Variants in OTUD3 observed in about 807,000 individuals in gnomAD.
OTUD3 encodes the protein OTU deubiquitinase 3.
A neutral mutation model predicts 46.2 loss-of-function variants in OTUD3; 24 were observed. That is an observed-to-expected ratio of 0.52 (90% confidence interval 0.38 to 0.73). The LOEUF (loss-of-function observed/expected upper bound fraction) is 0.73. OTUD3 is among the 30% of genes least tolerant of loss of function. The pLI, the probability that OTUD3 is intolerant of heterozygous loss-of-function variation, is 0.00. For synonymous variants in OTUD3, 189 were observed against 195.4 expected (o/e 0.97, Z 0.27); for missense variants, 455 against 523.3 (o/e 0.87, Z 1.27).
chr1:19,893,125 C>CGTAT (rs2045470938), intron 2 of OTUD3, among the ~76,000 whole-genome samples: 1 of 152,158 alleles, frequency 6.6e-6, no homozygotes, highest in South Asian at 2.1e-4. Context: ...TCCTCTGATA[C>CGTAT]ACCTTACCTC....
At chr1:19,901,945 T>C (rs2045595324) in intron 4 of OTUD3, among the ~76,000 whole-genome samples, 1 of 152,250 alleles carries the variant, frequency 6.6e-6, no homozygotes, top group South Asian at 2.1e-4. Flanking sequence ...TTCCCACCTT[T>C]TGGCTATTGA....
chr1:19,887,716 CT>C (rs58557118), intron 1 of OTUD3, among the ~76,000 whole-genome samples: 16,319 of 152,106 alleles, frequency 0.11, 989 homozygotes, highest in Admixed American at 0.15. Flanking sequence ...TCACGTCCCC[CT>C]GAGCCTTCTT....
chr1:19,891,597 T>G (rs374312933), intron 2 of OTUD3, among the ~76,000 whole-genome samples: 4 of 152,106 alleles, frequency 2.6e-5, no homozygotes, highest in African/African-American at 9.6e-5. Flanking sequence ...CAGGACACAT[T>G]GGAGGTGAGG....
chr1:19,899,037 C>G (rs1571175410), intron 4 of OTUD3, among the ~76,000 whole-genome samples: 1 of 152,262 alleles, frequency 6.6e-6, no homozygotes, highest in East Asian at 1.9e-4. Flanking sequence ...CCTCCAGCTC[C>G]TGGGCTCAAG....
chr1:19,886,940 A>C (rs2045370172), intron 1 of OTUD3, among the ~76,000 whole-genome samples: 1 of 152,196 alleles, frequency 6.6e-6, no homozygotes, highest in South Asian at 2.1e-4. Context: ...TGTGATTTAA[A>C]ATTTTTCTAG....
chr1:19,898,041 C>T (rs997669179), intron 4 of OTUD3, among the ~76,000 whole-genome samples: 18 of 151,638 alleles, frequency 1.2e-4, no homozygotes, highest in African/African-American at 3.6e-4. Flanking sequence ...CTCCGCCTCC[C>T]GGGTTCAAGC....
intron 2 of OTUD3, 69 bp downstream of exon 2, chr1:19,890,602 T>TC: frequency 1.5e-6 from 2 of 1,331,316 alleles, no homozygotes; most frequent in East Asian, 2.3e-5. Flanking sequence ...ACTGGCATCC[T>TC]CCCCCCTCCC....
Position 19,904,342 on chromosome 1 carries a change from C to T in OTUD3, c.682C>T (p.Leu228=). ...KTKGMDSEDD[L]RDEVEDAVQK... ...AAAGGGAATGGACTCTGAAGACGAC[C>T]TGAGAGATGAAGTAGAGGATGCTGT... The change falls in exon 5 of 8, where the codon CTG becomes TTG. Residue 228 remains leucine, a synonymous_variant. Transcript: ENST00000375120. 6.2e-7 allele frequency: 1 copy of T among 1,612,432 alleles called. No homozygotes were observed. Among genetic ancestry groups the T allele is most frequent in the African/African-American group, 1.3e-5 (1 of 74,980 alleles).
rs1304343539 is a variant in OTUD3, at chr1:19,912,002, G to A, written c.*4256G>A. The A allele has an allele frequency of 6.6e-6, 1 of 152,360 alleles. No homozygotes were observed. Among genetic ancestry groups the A allele is most frequent in the South Asian group, 2.1e-4 (1 of 4,828 alleles). 9.4% of individuals were successfully genotyped at this position (152,360 alleles called of 1,614,324 possible). ...TCCCTCTCTTTACTGTCCTCGTTAG[G>A]ACTGTTTTGTGGTTCCATGAAAATG... On this transcript the variant is annotated 3_prime_UTR_variant, in exon 8 of 8. Coordinates refer to ENST00000375120, the MANE Select transcript of OTUD3 (RefSeq NM_015207.2).
chr1:19,906,531 G>A lies in OTUD3; in HGVS notation c.935G>A (p.Gly312Asp). ...GSGARIFGNQ[G>D]LNEGRTENNK... ...GGTGCCAGAATCTTTGGAAATCAGG[G>A]CTTAAATGAAGGCAGGACCGAAAAC... Residue 312 changes from glycine to aspartate, a missense_variant, in exon 7 of 8, where the codon GGC becomes GAC. Transcript: ENST00000375120. The A allele has an allele frequency of 1.2e-6, 2 of 1,613,950 alleles. No individual in the cohort carries two copies. The highest frequency in any genetic ancestry group is 2.2e-5 in the South Asian group (2 of 91,060).
intron 1 of OTUD3, among the ~76,000 whole-genome samples, chr1:19,889,310 A>T (rs2045415778): frequency 6.6e-6 from 1 of 151,952 alleles, no homozygotes; most frequent in African/African-American, 2.4e-5. Context: ...AAAAGTATAT[A>T]TTCTTATACA....
At position 19,907,964 on chromosome 1, in the gene OTUD3, A is replaced by T. The variant is rs1262538948; in HGVS notation, c.*218A>T. ...TTATGAAAATGCAGTGAGGCCATTC[A>T]TATTCTGTAATACAAAATTAAAATA... is the stretch of plus-strand genomic sequence containing the variant. On this transcript the variant is annotated 3_prime_UTR_variant, in exon 8 of 8. Transcript: ENST00000375120. The T allele has an allele frequency of 4.4e-6, 2 of 451,476 alleles. No individual in the cohort carries two copies. Among genetic ancestry groups the T allele is most frequent in the Admixed American group, 3.7e-5 (1 of 26,720 alleles). 28.0% of individuals were successfully genotyped at this position (451,476 alleles called of 1,614,324 possible). A position where few individuals can be genotyped will look rare whatever the true frequency, so the allele number is the denominator to read the frequency against.
intron 7 of OTUD3, among the ~76,000 whole-genome samples, chr1:19,907,301 C>A (rs996125981): frequency 2.0e-5 from 3 of 152,164 alleles, no homozygotes; most frequent in African/African-American, 7.2e-5. Context: ...TTCTCTGACA[C>A]GTTTGTTTGT....
chr1:19,887,082 C>CTTTTT (rs35763768), intron 1 of OTUD3, among the ~76,000 whole-genome samples: 4 of 133,472 alleles, frequency 3.0e-5, no homozygotes, highest in Non-Finnish European at 6.4e-5. Context: ...TTTTCTTTTT[C>CTTTTT]TTTTTTTTTT....
At position 19,906,532 on chromosome 1, in the gene OTUD3, C is replaced by CTT. The variant is rs1463514151; in HGVS notation, c.937_938dup (p.Leu313PhefsTer2). 6.2e-7 allele frequency: 1 copy of CTT among 1,613,842 alleles called. No homozygotes were observed. The highest frequency in any genetic ancestry group is 1.7e-4 in the Middle Eastern group (1 of 5,944). On this transcript the variant is annotated frameshift_variant, in exon 7 of 8. Transcript: ENST00000375120. LOFTEE classifies it high-confidence loss of function. Reference sequence around the variant, plus strand: ...GTGCCAGAATCTTTGGAAATCAGGGCTTAAATGAAGGCAGGACCGAAAACA... The same window carrying CTT: ...GTGCCAGAATCTTTGGAAATCAGGGCTTTTAAATGAAGGCAGGACCGAAAACA...
intron 2 of OTUD3, among the ~76,000 whole-genome samples, chr1:19,891,331 T>C (rs1043391546): frequency 1.3e-5 from 2 of 152,254 alleles, no homozygotes; most frequent in African/African-American, 4.8e-5. Flanking sequence ...GCTGCTGATA[T>C]GTCTTACAAA....
intron 6 of OTUD3, 40 bp from the exon 7 acceptor site, chr1:19,906,392 C>CT (rs1211766394): frequency 6.3e-7 from 1 of 1,591,338 alleles, no homozygotes; most frequent in East Asian, 2.2e-5. Context: ...CTGTGTAACT[C>CT]TCAGGTTCTC....
In OTUD3 at chr1:19,908,657, T is replaced by G. The variant is rs2045696284; in HGVS notation, c.*911T>G. 6.6e-6 allele frequency: 1 copy of G among 152,382 alleles called. No individual in the cohort carries two copies. Among genetic ancestry groups the G allele is most frequent in the Non-Finnish European group, 1.5e-5 (1 of 68,040 alleles). The allele number at this position is 152,382 out of a possible 1,614,324, so 9.4% of individuals were successfully genotyped here. Reference sequence around the variant, plus strand: ...TTTTTATAGGAGAAGCCTGGAAGAATAAGGTTTTTCATGTTCGCATTTTAA... The same window carrying G: ...TTTTTATAGGAGAAGCCTGGAAGAAGAAGGTTTTTCATGTTCGCATTTTAA... On this transcript the variant is annotated 3_prime_UTR_variant, in exon 8 of 8. Transcript: ENST00000375120.
chr1:19,885,598 C>T (rs1235531830), intron 1 of OTUD3, among the ~76,000 whole-genome samples: 1 of 152,142 alleles, frequency 6.6e-6, no homozygotes, highest in Non-Finnish European at 1.5e-5. Flanking sequence ...GGATTACAGG[C>T]ACCTGCTACC....
Sources: gnomAD v4.1 joint callset for allele counts (sites outside exome capture counted in the v4.1 genomes callset) on GRCh38, gnomAD v4.1.1 for gene constraint, MANE v1.5 for transcripts, NCBI Gene and HGNC (gene_info 2026-07-23, HGNC 2026-07-21) for gene names.